The following BCL7C variants were observed in gnomAD, a reference collection of about 807,000 sequenced individuals.
The protein encoded by BCL7C is B-cell CLL/lymphoma 7 protein family member C.
A neutral mutation model predicts 26.2 loss-of-function variants in BCL7C; 8 were observed. The observed-to-expected ratio is 0.30, with a 90% CI of 0.18 to 0.55. The LOEUF (loss-of-function observed/expected upper bound fraction) is 0.55, where lower values mean the gene tolerates loss of function less well. Ranked by LOEUF, BCL7C falls within the 20% of genes least tolerant of loss-of-function variation. The pLI is 0.93. For synonymous variants in BCL7C, 90 were observed against 116.5 expected (o/e 0.77, Z 1.47); for missense variants, 262 against 298.5 (o/e 0.88, Z 0.90).
At chr16:30,867,302 A>C (rs2054837505) in intron 5 of BCL7C, among the ~76,000 whole-genome samples, 1 of 151,984 alleles carries the variant, frequency 6.6e-6, no homozygotes, top group South Asian at 2.1e-4. Context: ...ATCTTAGACT[A>C]TTTTTCTATG....
At chr16:30,850,709 G>A (rs775243736) in intron 5 of BCL7C, among the ~76,000 whole-genome samples, 37 of 152,022 alleles carry the variant, frequency 2.4e-4, no homozygotes, top group African/African-American at 7.5e-4. Context: ...GGTATACCAC[G>A]GTATGCCATG....
intron 5 of BCL7C, chr16:30,851,626 G>A: frequency 3.7e-6 from 2 of 538,028 alleles, no homozygotes; most frequent in South Asian, 4.3e-5. Flanking sequence ...GCCACAGCAG[G>A]CCTTGCAGTT....
At chr16:30,888,390 A>G (rs1416623853) in intron 5 of BCL7C, among the ~76,000 whole-genome samples, 3 of 152,086 alleles carry the variant, frequency 2.0e-5, no homozygotes, top group Non-Finnish European at 2.9e-5. Flanking sequence ...AGGCTGGAGT[A>G]CAGTGGCGCG....
rs373062694 is a variant in BCL7C at position 30,877,796 on chromosome 16, C to A, written c.528+11064G>T. On this transcript the variant is annotated intron_variant, in intron 5 of 5. Transcript: ENST00000380317. ...TTAATGTTGCCAACATGTTCAACAC[C>A]ATGTAAGCCAAACAAATCACATTCA... Among the ~76,000 whole-genome samples, 17 of 152,220 alleles carry A rather than the reference C, an allele frequency of 1.1e-4. No individual in the cohort carries two copies. The East Asian group carries it at 2.7e-3, about 24-fold the overall frequency.
At chr16:30,856,350 A>C (rs1246963824) in intron 5 of BCL7C, among the ~76,000 whole-genome samples, 1 of 150,870 alleles carries the variant, frequency 6.6e-6, no homozygotes, top group Non-Finnish European at 1.5e-5. Context: ...CTGAGGCAGG[A>C]GAATCACTTG....
intron 5 of BCL7C, among the ~76,000 whole-genome samples, chr16:30,852,734 C>T (rs1335403407): frequency 6.6e-6 from 1 of 151,880 alleles, no homozygotes; most frequent in East Asian, 1.9e-4. Context: ...TCAGGTGATC[C>T]ACCCGCCTTG....
intron 5 of BCL7C, among the ~76,000 whole-genome samples, chr16:30,873,932 CAT>C (rs140558875): frequency 7.3e-6 from 1 of 136,722 alleles, no homozygotes. Flanking sequence ...TCTCTATATA[CAT>C]ATATATATAG....
At chr16:30,880,118 C>T (rs978556591) in intron 5 of BCL7C, among the ~76,000 whole-genome samples, 15 of 151,226 alleles carry the variant, frequency 9.9e-5, no homozygotes, top group African/African-American at 3.4e-4. Flanking sequence ...CTAAAACAAA[C>T]AAACAAAAAA....
chr16:30,875,199 G>C (rs2054927423), intron 5 of BCL7C: 1 of 154,500 alleles, frequency 6.5e-6, no homozygotes, highest in Admixed American at 6.5e-5. Flanking sequence ...TGCGGACCCT[G>C]CGGGAGGGTC....
chr16:30,841,654 G>C (rs183836775), intron 5 of BCL7C, among the ~76,000 whole-genome samples: 1 of 152,168 alleles, frequency 6.6e-6, no homozygotes, highest in Admixed American at 6.6e-5. Flanking sequence ...ACAGAGGGCT[G>C]TGTAAAGCTC....
chr16:30,888,082 C>A (rs2055163674), intron 5 of BCL7C, 92 bp from the exon 6 acceptor site: 4 of 1,367,640 alleles, frequency 2.9e-6, no homozygotes, highest in Non-Finnish European at 3.0e-6. Context: ...CACTCCCCTC[C>A]CCTCCTGGGC....
intron 5 of BCL7C, chr16:30,852,125 A>AC (rs1476003410): frequency 6.4e-6 from 1 of 156,878 alleles, no homozygotes; most frequent in Non-Finnish European, 1.4e-5. Flanking sequence ...ATGGCCAGAC[A>AC]CTATGCTTCT....
chr16:30,880,468 G>A (rs546609923), intron 5 of BCL7C, among the ~76,000 whole-genome samples: 6 of 151,758 alleles, frequency 4.0e-5, no homozygotes, highest in Admixed American at 1.3e-4. Flanking sequence ...GGGAGGCTGA[G>A]GTGAGCGGAT....
intron 5 of BCL7C, among the ~76,000 whole-genome samples, chr16:30,854,242 G>A (rs897653738): frequency 2.0e-5 from 3 of 152,184 alleles, no homozygotes; most frequent in Non-Finnish European, 4.4e-5. Context: ...ATGTATGGGA[G>A]CCTTATCAAC....
At chr16:30,869,064 G>A (rs2054858646) in intron 5 of BCL7C, among the ~76,000 whole-genome samples, 1 of 150,992 alleles carries the variant, frequency 6.6e-6, no homozygotes, top group Non-Finnish European at 1.5e-5. Flanking sequence ...ATTTTTTCAT[G>A]GCCATGGCTT....
At chr16:30,874,640 G>A (rs1362651372) in intron 5 of BCL7C, among the ~76,000 whole-genome samples, 2 of 152,026 alleles carry the variant, frequency 1.3e-5, no homozygotes, top group Non-Finnish European at 2.9e-5. Context: ...CAAAAGGGGA[G>A]GGCGGGGGGA....
intron 5 of BCL7C, among the ~76,000 whole-genome samples, chr16:30,870,907 A>C (rs1239242790): frequency 6.6e-6 from 1 of 152,242 alleles, no homozygotes; most frequent in Non-Finnish European, 1.5e-5. Flanking sequence ...GCCCCTGGGC[A>C]AGTCACTTCA....
In BCL7C at chr16:30,893,343, C is replaced by G. The variant is rs974344809; in HGVS notation, c.93-53G>C. On this transcript the variant is annotated intron_variant, in intron 1 of 5. Transcript: ENST00000215115. This position sits in a 1 kb window ranked among gnomAD's most constrained non-coding sequence, Gnocchi z 5.2. The stretch of plus-strand genomic sequence containing the variant: ...AGAGGCCTGAGGGGAGACCCACCCC[C>G]CTAGGAGCTGGACACATCTGGGGGT... 307 of 1,493,894 alleles carry G rather than the reference C, an allele frequency of 2.1e-4. 1 individual carries two copies. Among genetic ancestry groups the G allele is most frequent in the Admixed American group, 3.8e-4 (21 of 55,026 alleles). 92.5% of individuals were successfully genotyped at this position (1,493,894 alleles called of 1,614,324 possible).
At chr16:30,874,376 A>T (rs556511344) in intron 5 of BCL7C, among the ~76,000 whole-genome samples, 1 of 152,184 alleles carries the variant, frequency 6.6e-6, no homozygotes, top group African/African-American at 2.4e-5. Context: ...CAGCACTTTC[A>T]GAGGCCGAGG....
Sources: allele counts gnomAD v4.1 joint callset (sites outside exome capture counted in the v4.1 genomes callset), GRCh38; gene constraint gnomAD v4.1.1; non-coding constraint Gnocchi (gnomAD v3.1); transcripts MANE v1.5; gene names NCBI Gene and HGNC (gene_info 2026-07-23, HGNC 2026-07-21).